Variants in CEP63 observed in about 807,000 individuals in gnomAD.
The protein encoded by CEP63 is centrosomal protein 63.
CEP63 carries 84 observed loss-of-function variants against 89.1 expected under a neutral mutation model. That is an observed-to-expected ratio of 0.94 (90% confidence interval 0.79 to 1.13). The LOEUF (loss-of-function observed/expected upper bound fraction) is 1.13, where lower values mean the gene tolerates loss of function less well. Ranked by LOEUF, CEP63 falls within the 50% of genes most tolerant of loss-of-function variation. The probability of loss-of-function intolerance (pLI) is 0.00; values close to 1 mark genes in which losing one functional copy is unlikely to be tolerated. For missense variants in CEP63, 838 were observed against 813.3 expected (o/e 1.03, Z -0.37); for synonymous variants, 267 against 272.5 (o/e 0.98, Z 0.20).
intron 12 of CEP63, among the ~76,000 whole-genome samples, chr3:134,553,847 C>T (rs889149763): frequency 3.3e-5 from 5 of 152,128 alleles, no homozygotes; most frequent in Non-Finnish European, 7.4e-5. Flanking sequence ...TTTACATTCC[C>T]ATGGAAACCA....
chr3:134,612,566 G>A, the CEP63 span, among the ~76,000 whole-genome samples: 2 of 152,170 alleles, frequency 1.3e-5, no homozygotes, highest in African/African-American at 4.8e-5. Context: ...CAAGGCCAGA[G>A]GAGTGGGTAG....
the CEP63 span, among the ~76,000 whole-genome samples, chr3:134,616,955 G>A: frequency 6.6e-6 from 1 of 152,194 alleles, no homozygotes; most frequent in Non-Finnish European, 1.5e-5. Context: ...AGAGCACTGA[G>A]GCTGCAAGAG....
At chr3:134,706,216 T>C in the CEP63 span, among the ~76,000 whole-genome samples, 1 of 152,180 alleles carries the variant, frequency 6.6e-6, no homozygotes, top group African/African-American at 2.4e-5. Context: ...TGGGAGGCCT[T>C]AGGCAAGCTA....
chr3:134,672,611 G>GA, the CEP63 span, among the ~76,000 whole-genome samples: 1 of 152,288 alleles, frequency 6.6e-6, no homozygotes. Context: ...CCTCTTTCTT[G>GA]AACACTCTCA....
intron 6 of CEP63, among the ~76,000 whole-genome samples, chr3:134,544,537 C>T (rs1429499529): frequency 6.6e-6 from 1 of 151,770 alleles, no homozygotes; most frequent in African/African-American, 2.4e-5. Flanking sequence ...CACAATTTCC[C>T]CATTTCTCTG....
intron 3 of CEP63, among the ~76,000 whole-genome samples, chr3:134,522,541 G>GAAAAA (rs1947698128): frequency 6.6e-6 from 1 of 152,084 alleles, no homozygotes. Context: ...TGTCGTGGGG[G>GAAAAA]TTTATTGTAC....
chr3:134,577,028 G>A (rs981507741), downstream of CEP63, among the ~76,000 whole-genome samples: 12 of 152,190 alleles, frequency 7.9e-5, no homozygotes, highest in African/African-American at 1.2e-4. Context: ...TAGTGTTGGC[G>A]TAGTAAAGAT....
chr3:134,645,751 G>T, the CEP63 span, among the ~76,000 whole-genome samples: 1 of 152,162 alleles, frequency 6.6e-6, no homozygotes. Context: ...GGTTTTGCAA[G>T]AACTATTTTA....
intron 9 of CEP63, among the ~76,000 whole-genome samples, chr3:134,547,786 T>C (rs1953858257): frequency 6.6e-6 from 1 of 151,884 alleles, no homozygotes; most frequent in Non-Finnish European, 1.5e-5. Flanking sequence ...ATTTTTATAT[T>C]TTTGTAGAGA....
chr3:134,581,888 G>A (rs1347666736), intron 10 of CEP63, among the ~76,000 whole-genome samples: 2 of 151,398 alleles, frequency 1.3e-5, no homozygotes, highest in Non-Finnish European at 2.9e-5. Flanking sequence ...TGTTAGCCAG[G>A]ATGGTCTCGA....
downstream of CEP63, among the ~76,000 whole-genome samples, chr3:134,591,672 A>G (rs1375392890): frequency 6.6e-6 from 1 of 152,128 alleles, no homozygotes; most frequent in Non-Finnish European, 1.5e-5. Context: ...CCTGGGCAAC[A>G]AAGTGAGACA....
the CEP63 span, among the ~76,000 whole-genome samples, chr3:134,644,717 C>G: frequency 6.6e-6 from 1 of 152,194 alleles, no homozygotes; most frequent in African/African-American, 2.4e-5. Context: ...CAGTGGTTCC[C>G]GTGCCTGGGC....
At chr3:134,557,103 AT>A (rs1434741474) in intron 12 of CEP63, among the ~76,000 whole-genome samples, 2 of 152,182 alleles carry the variant, frequency 1.3e-5, no homozygotes, top group Non-Finnish European at 1.5e-5. Context: ...GTCTATTTTA[AT>A]AAATTACCTA....
At chr3:134,530,557 AT>A in intron 3 of CEP63, among the ~76,000 whole-genome samples, 1 of 152,036 alleles carries the variant, frequency 6.6e-6, no homozygotes, top group Non-Finnish European at 1.5e-5. Flanking sequence ...AATTTTGTTA[AT>A]TGGATTTTTT....
chr3:134,571,486 C>T (rs1958007927), intron 11 of CEP63, among the ~76,000 whole-genome samples: 1 of 152,194 alleles, frequency 6.6e-6, no homozygotes, highest in African/African-American at 2.4e-5. Flanking sequence ...TCGAGACCAT[C>T]CTGACTAACA....
the CEP63 span, chr3:134,629,503 C>T: frequency 2.8e-6 from 2 of 719,010 alleles, no homozygotes; most frequent in Non-Finnish European, 4.8e-6. Flanking sequence ...TCCCAGTTTG[C>T]AGGCCCATGT....
At chr3:134,549,983 A>G in intron 10 of CEP63, 80 bp from the exon 11 acceptor site, 1 of 1,007,164 alleles carries the variant, frequency 9.9e-7, no homozygotes, top group South Asian at 1.4e-5. Context: ...GTGAACTTTT[A>G]TTTTATTAGC....
chr3:134,526,547 C>T (rs1948679391), intron 3 of CEP63, among the ~76,000 whole-genome samples: 1 of 152,044 alleles, frequency 6.6e-6, no homozygotes. Context: ...TTTCAGTATA[C>T]TCCTGTAGCT....
chr3:134,528,569 C>CAT (rs1553763956), intron 3 of CEP63, among the ~76,000 whole-genome samples: 1 of 147,024 alleles, frequency 6.8e-6, no homozygotes, highest in Non-Finnish European at 1.5e-5. Flanking sequence ...TGTGTGTGTG[C>CAT]GTGTGTGTGT....
Sources: gnomAD v4.1 joint callset for allele counts (sites outside exome capture counted in the v4.1 genomes callset) on GRCh38, gnomAD v4.1.1 for gene constraint, MANE v1.5 for transcripts, NCBI Gene and HGNC (gene_info 2026-07-23, HGNC 2026-07-21) for gene names.